Variants in CHD2 observed in about 807,000 individuals in gnomAD.
The protein encoded by CHD2 is chromodomain helicase DNA binding protein 2.
In CHD2, 28 loss-of-function variants were observed where a neutral mutation model predicts 243.9. The observed-to-expected ratio is 0.11, with a 90% CI of 0.09 to 0.16. The LOEUF is 0.16. Ranked by LOEUF, CHD2 falls within the 10% of genes least tolerant of loss-of-function variation. The pLI, the probability that CHD2 is intolerant of heterozygous loss-of-function variation, is 1.00. For missense variants in CHD2, 1,386 were observed against 2,209.8 expected (o/e 0.63, Z 7.47); for synonymous variants, 775 against 779.0 (o/e 0.99, Z 0.09).
At chr15:92,956,678 A>T (rs2053620217) in intron 16 of CHD2, 29 bp downstream of exon 16, 5 of 1,564,810 alleles carry the variant, frequency 3.2e-6, no homozygotes, top group Non-Finnish European at 4.3e-6. Flanking sequence ...ATTTCAAAAG[A>T]TGCTAGAATG....
intron 38 of CHD2, among the ~76,000 whole-genome samples, chr15:93,022,824 C>T (rs1488201529): frequency 2.6e-5 from 4 of 152,156 alleles, no homozygotes; most frequent in South Asian, 2.1e-4. Flanking sequence ...GAACAGGAGC[C>T]GTTAAAAGGC....
chr15:92,992,717 G>C, intron 27 of CHD2, 142 bp from the exon 28 acceptor site: 1 of 908,260 alleles, frequency 1.1e-6, no homozygotes, highest in African/African-American at 1.7e-5. Context: ...GGTTCTTGTT[G>C]GAGCCTTAGA....
Position 93,026,714 on chromosome 15 carries a change from C to T in CHD2, c.*2009C>T, listed in dbSNP as rs941318726. 1 of 152,248 alleles carries T rather than the reference C, an allele frequency of 6.6e-6. No homozygotes were observed. The highest frequency in any genetic ancestry group is 1.5e-5 in the Non-Finnish European group (1 of 68,088). The allele number at this position is 152,248 out of a possible 1,614,324, so 9.4% of individuals were successfully genotyped here. ...GGAAACCACAGATGGAGCTTCTTGC[C>T]GATAATACTGACTCTAGCCCATGAT... On this transcript the variant is annotated 3_prime_UTR_variant, in exon 39 of 39. Coordinates refer to ENST00000394196, the MANE Select transcript of CHD2 (RefSeq NM_001271.4).
intron 20 of CHD2, among the ~76,000 whole-genome samples, chr15:92,977,646 C>A (rs12595801): frequency 0.28 from 43,304 of 152,060 alleles, 6,608 homozygotes; most frequent in East Asian, 0.62. Context: ...CTGGGTGGTT[C>A]CACACATCGC....
chr15:92,927,726 T>C (rs1036391070), intron 4 of CHD2, among the ~76,000 whole-genome samples: 1 of 152,216 alleles, frequency 6.6e-6, no homozygotes, highest in African/African-American at 2.4e-5. Flanking sequence ...AGAAATAGTT[T>C]GGGATTTATT....
intron 37 of CHD2, among the ~76,000 whole-genome samples, chr15:93,015,466 T>C (rs1415915198): frequency 6.6e-6 from 1 of 152,214 alleles, no homozygotes; most frequent in Non-Finnish European, 1.5e-5. Context: ...TTACATTCTG[T>C]ATGACAGTGA....
At chr15:92,953,729 G>T in intron 14 of CHD2, 156 bp downstream of exon 14, 2 of 669,206 alleles carry the variant, frequency 3.0e-6, no homozygotes, top group Non-Finnish European at 5.0e-6. Context: ...TCACAAAAGT[G>T]CAACTCAGAT....
chr15:92,940,023 G>T (rs532995506), intron 7 of CHD2, among the ~76,000 whole-genome samples: 161 of 152,284 alleles, frequency 1.1e-3, no homozygotes, highest in Middle Eastern at 3.4e-3. Context: ...TTCCATTAAA[G>T]ATATTTGGAT....
At chr15:92,938,914 C>T (rs913296193) in intron 6 of CHD2, among the ~76,000 whole-genome samples, 1 of 152,178 alleles carries the variant, frequency 6.6e-6, no homozygotes, top group Admixed American at 6.5e-5. Context: ...ATATTTTATA[C>T]ACATACAGTA....
chr15:92,916,825 T>G (rs2052846804), intron 2 of CHD2, among the ~76,000 whole-genome samples: 1 of 152,230 alleles, frequency 6.6e-6, no homozygotes, highest in Non-Finnish European at 1.5e-5. Flanking sequence ...TTGCTGGGAT[T>G]ACAGGCATGA....
intron 2 of CHD2, among the ~76,000 whole-genome samples, chr15:92,919,363 ATC>A (rs1287955586): frequency 1.7e-4 from 26 of 151,242 alleles, no homozygotes; most frequent in Admixed American, 1.4e-3. Flanking sequence ...TCAGTCTTAC[ATC>A]TGATTCTGGT....
intron 26 of CHD2, among the ~76,000 whole-genome samples, chr15:92,987,661 T>C (rs1236411915): frequency 2.6e-5 from 4 of 152,068 alleles, no homozygotes; most frequent in Non-Finnish European, 5.9e-5. Flanking sequence ...AAAAATATTT[T>C]TTCTGCCAAT....
At chr15:92,949,126 T>C in intron 13 of CHD2, 50 bp downstream of exon 13, 1 of 1,587,008 alleles carries the variant, frequency 6.3e-7, no homozygotes, top group Non-Finnish European at 8.5e-7. Context: ...CTGGCTTCTT[T>C]ATTGTTAGAT....
chr15:92,929,783 G>T (rs1349312678), intron 5 of CHD2, among the ~76,000 whole-genome samples: 1 of 151,916 alleles, frequency 6.6e-6, no homozygotes, highest in Non-Finnish European at 1.5e-5. Context: ...ACCAGTTCAG[G>T]GGTTCTCATG....
intron 2 of CHD2, chr15:92,905,154 A>T: frequency 1.4e-6 from 1 of 727,302 alleles, no homozygotes; most frequent in South Asian, 2.0e-5. Context: ...TCAGAAAACT[A>T]CTCTTTTAAG....
chr15:93,022,680 C>G (rs77361656), intron 38 of CHD2, among the ~76,000 whole-genome samples: 46 of 152,318 alleles, frequency 3.0e-4, no homozygotes, highest in Non-Finnish European at 5.9e-4. Context: ...CTCTGCAGCA[C>G]TGTCTTCTCT....
intron 2 of CHD2, among the ~76,000 whole-genome samples, chr15:92,923,654 C>T (rs985445360): frequency 6.6e-5 from 10 of 151,230 alleles, no homozygotes; most frequent in Non-Finnish European, 1.5e-5. Context: ...CATCCTTTGC[C>T]TCCCAGGTTC....
At chr15:92,961,760 G>A (rs960062896) in intron 16 of CHD2, among the ~76,000 whole-genome samples, 1 of 151,760 alleles carries the variant, frequency 6.6e-6, no homozygotes. Context: ...CTTGATTATG[G>A]TAATTTGTAT....
At chr15:92,944,384 T>A (rs371290856) in intron 9 of CHD2, 31 bp from the exon 10 acceptor site, 67 of 1,284,518 alleles carry the variant, frequency 5.2e-5, no homozygotes, top group Middle Eastern at 3.7e-4. Context: ...CTTTAGTTTA[T>A]GTGTACTTTT....
Sources: gnomAD v4.1 joint callset for allele counts (sites outside exome capture counted in the v4.1 genomes callset) on GRCh38, gnomAD v4.1.1 for gene constraint, MANE v1.5 for transcripts, NCBI Gene and HGNC (gene_info 2026-07-23, HGNC 2026-07-21) for gene names.